Variants in UBE3A observed in about 807,000 individuals in gnomAD.
UBE3A encodes the protein ubiquitin-protein ligase E3A.
A neutral mutation model predicts 83.4 loss-of-function variants in UBE3A; 6 were observed. That is an observed-to-expected ratio of 0.07 (90% confidence interval 0.04 to 0.14). The LOEUF is 0.14. Among genes scored for constraint, UBE3A ranks in the 10% least tolerant of loss-of-function variants. UBE3A has a pLI of 1.00. For missense variants in UBE3A, 456 were observed against 1,036.1 expected, an observed-to-expected ratio of 0.44 and a Z score of 7.69; for synonymous variants, 337 against 355.4, an observed-to-expected ratio of 0.95 and a Z score of 0.58.
At chr15:25,385,749 C>G (rs2083007262) in intron 4 of UBE3A, among the ~76,000 whole-genome samples, 2 of 151,940 alleles carry the variant, frequency 1.3e-5, no homozygotes. Flanking sequence ...ATGAAAAACA[C>G]AAGCAGAAAC....
chr15:25,427,625 A>C (rs961855393), intron 1 of UBE3A, among the ~76,000 whole-genome samples: 7 of 146,752 alleles, frequency 4.8e-5, no homozygotes, highest in Non-Finnish European at 9.0e-5. Context: ...AAAAAAAAAA[A>C]AAAAAACCCA....
chr15:25,356,119 T>A, intron 8 of UBE3A, 63 bp from the exon 9 acceptor site: 2 of 1,572,136 alleles, frequency 1.3e-6, no homozygotes, highest in Non-Finnish European at 1.7e-6. Context: ...AAATAATTTA[T>A]ATCACTCTTC....
At chr15:25,365,645 G>C (rs1171525666) in intron 6 of UBE3A, among the ~76,000 whole-genome samples, 1 of 151,822 alleles carries the variant, frequency 6.6e-6, no homozygotes, top group African/African-American at 2.4e-5. Context: ...CTACTCGGGA[G>C]GCTGAGGCAG....
intron 11 of UBE3A, chr15:25,346,476 G>A (rs569724406): frequency 2.6e-5 from 4 of 152,136 alleles, no homozygotes; most frequent in South Asian, 4.2e-4. Flanking sequence ...TAAAATGTCC[G>A]AGACACAATC....
At chr15:25,391,559 T>C (rs1214455594) in intron 4 of UBE3A, 2 of 152,230 alleles carry the variant, frequency 1.3e-5, no homozygotes, top group East Asian at 1.9e-4. Flanking sequence ...AAACCTGTTT[T>C]ATCTTAATCA....
At chr15:25,359,418 C>CGTGTGTGT (rs60677664) in intron 7 of UBE3A, among the ~76,000 whole-genome samples, 4,508 of 138,970 alleles carry the variant, frequency 0.032, 112 homozygotes, top group South Asian at 0.051. Flanking sequence ...ATAAGGGATG[C>CGTGTGTGT]GTGTGTGTGT....
intron 1 of UBE3A, among the ~76,000 whole-genome samples, chr15:25,412,494 C>T (rs776780931): frequency 2.6e-5 from 4 of 152,016 alleles, no homozygotes; most frequent in Admixed American, 6.6e-5. Flanking sequence ...GCCTACCTGG[C>T]ACAAAACAGG....
chr15:25,336,108 A>T lies in UBE3A; in HGVS notation c.*3029T>A, dbSNP rs190768236. The T allele has an allele frequency of 6.6e-6, 1 of 152,162 alleles. No homozygotes were observed. Among genetic ancestry groups the T allele is most frequent in the East Asian group, 1.9e-4 (1 of 5,158 alleles). 9.4% of individuals were successfully genotyped at this position (152,162 alleles called of 1,614,324 possible). A position where few individuals can be genotyped will look rare whatever the true frequency, so the allele number is the denominator to read the frequency against. ...ACGGGGAGGGGAGAAAAGACTTGGG[A>T]CTCTGTACTTGTAAAACCCTCTACC... On this transcript the variant is annotated 3_prime_UTR_variant, in exon 13 of 13. Coordinates refer to ENST00000648336, the MANE Select transcript of UBE3A (RefSeq NM_130839.5).
chr15:25,364,836 T>C lies in UBE3A; in HGVS notation c.1609-4309A>G, dbSNP rs551037905. On this transcript the variant is annotated intron_variant, in intron 6 of 12. Transcript: ENST00000648336. ...TTTTTTTTGTATTTTTTAGTAGAGATGGGGTTTCACTGTGTTAGCCAGGAT... is the reference window on the plus strand; with the variant it reads ...TTTTTTTTGTATTTTTTAGTAGAGACGGGGTTTCACTGTGTTAGCCAGGAT... Among the ~76,000 whole-genome samples the C allele has an allele frequency of 1.1e-3, 173 of 151,850 alleles. 1 individual carries two copies. Among genetic ancestry groups the C allele is most frequent in the African/African-American group, 3.8e-3 (158 of 41,412 alleles).
intron 7 of UBE3A, among the ~76,000 whole-genome samples, chr15:25,357,807 C>G (rs1369482582): frequency 1.3e-5 from 2 of 151,546 alleles, no homozygotes; most frequent in African/African-American, 4.9e-5. Flanking sequence ...CTATTCAATA[C>G]ACATGTTAAT....
chr15:25,364,573 A>G (rs1334439041), intron 6 of UBE3A, among the ~76,000 whole-genome samples: 1 of 152,036 alleles, frequency 6.6e-6, no homozygotes, highest in Non-Finnish European at 1.5e-5. Context: ...AAACATTCTG[A>G]AAAGGAGAAC....
chr15:25,387,572 C>T (rs1336681153), intron 4 of UBE3A, among the ~76,000 whole-genome samples: 1 of 151,422 alleles, frequency 6.6e-6, no homozygotes, highest in Non-Finnish European at 1.5e-5. Context: ...ATCTGAGCTA[C>T]CAACTTATGA....
At chr15:25,341,250 TA>T (rs11302221) in intron 11 of UBE3A, among the ~76,000 whole-genome samples, 151,218 of 151,694 alleles carry the variant, frequency 1, 75,372 homozygotes, top group Middle Eastern at 1. Context: ...TCTGTACGTT[TA>T]AGTAGAGGCA....
At chr15:25,379,403 AGAG>A (rs2081785093) in intron 4 of UBE3A, among the ~76,000 whole-genome samples, 4 of 152,176 alleles carry the variant, frequency 2.6e-5, no homozygotes, top group African/African-American at 9.7e-5. Flanking sequence ...ATAACTATTA[AGAG>A]GAGGATCTGA....
intron 6 of UBE3A, among the ~76,000 whole-genome samples, chr15:25,367,463 A>T (rs1056383408): frequency 6.6e-6 from 1 of 152,060 alleles, no homozygotes; most frequent in Non-Finnish European, 1.5e-5. Context: ...TAACGAAAAA[A>T]TACTGAAAAT....
At chr15:25,392,080 G>A (rs2084522073) in intron 4 of UBE3A, among the ~76,000 whole-genome samples, 1 of 152,160 alleles carries the variant, frequency 6.6e-6, no homozygotes, top group Admixed American at 6.5e-5. Flanking sequence ...AAGCTTCAAA[G>A]GAGCAGGGAT....
intron 1 of UBE3A, among the ~76,000 whole-genome samples, chr15:25,431,358 C>CT (rs1567198107): frequency 6.6e-6 from 1 of 151,968 alleles, no homozygotes; most frequent in Non-Finnish European, 1.5e-5. Context: ...CTTTTCTTTT[C>CT]TTTTTTGAGA....
intron 6 of UBE3A, among the ~76,000 whole-genome samples, chr15:25,369,879 C>T (rs2080016975): frequency 6.6e-6 from 1 of 152,148 alleles, no homozygotes; most frequent in Non-Finnish European, 1.5e-5. Context: ...TCCAGTATTT[C>T]CCTGCTCAAT....
In UBE3A at chr15:25,413,167, T is replaced by C. The variant is rs75809831; in HGVS notation, c.-164-1196A>G. On this transcript the variant is annotated intron_variant, in intron 1 of 12. Transcript: ENST00000648336. ...GCACACTCACTTGCCAATTTAACCA[T>C]AAGAATCCTAATACCAGACATAGTT... The C allele has an allele frequency of 4.0e-3, 1,360 of 336,448 alleles. 6 individuals are homozygous for C. The highest frequency in any genetic ancestry group is 6.7e-3 in the Non-Finnish European group (1,164 of 173,944). 20.8% of individuals were successfully genotyped at this position (336,448 alleles called of 1,614,324 possible).
Sources: gnomAD v4.1 joint callset for allele counts (sites outside exome capture counted in the v4.1 genomes callset) on GRCh38, gnomAD v4.1.1 for gene constraint, MANE v1.5 for transcripts, NCBI Gene and HGNC (gene_info 2026-07-23, HGNC 2026-07-21) for gene names.